CYB5R4: variants seen among roughly 807,000 people sequenced by gnomAD.
CYB5R4 encodes cytochrome b5 reductase 4, also known as N-terminal cytochrome b5 and cytochrome b5 oxidoreductase domain-containing protein.
CYB5R4 carries 55 observed loss-of-function variants against 70.2 expected under a neutral mutation model. The observed-to-expected ratio is 0.78, with a 90% CI of 0.63 to 0.98. The LOEUF (loss-of-function observed/expected upper bound fraction) is 0.98. CYB5R4 is among the 50% of genes least tolerant of loss of function. The pLI, the probability that CYB5R4 is intolerant of heterozygous loss-of-function variation, is 0.00. For missense variants in CYB5R4, 562 were observed against 612.6 expected (o/e 0.92, Z 0.87); for synonymous variants, 197 against 199.5 (o/e 0.99, Z 0.11).
intron 2 of CYB5R4, among the ~76,000 whole-genome samples, chr6:83,880,976 T>G (rs1297377643): frequency 6.6e-6 from 1 of 152,126 alleles, no homozygotes; most frequent in Admixed American, 6.5e-5. Context: ...ACATGCAGTC[T>G]CTTTGCTTCT....
intron 2 of CYB5R4, among the ~76,000 whole-genome samples, chr6:83,866,015 G>A (rs1400547413): frequency 2.6e-5 from 4 of 152,148 alleles, no homozygotes; most frequent in Admixed American, 2.0e-4. Flanking sequence ...CCAGCTGCAA[G>A]TAACTGGTAC....
At chr6:83,874,150 C>T (rs1210590590) in intron 2 of CYB5R4, among the ~76,000 whole-genome samples, 2 of 61,666 alleles carry the variant, frequency 3.2e-5, no homozygotes, top group Admixed American at 1.8e-4. Flanking sequence ...CTTCCCCTCC[C>T]CTCCCTTCCC....
chr6:83,919,235 A>T (rs1480244361), intron 6 of CYB5R4, among the ~76,000 whole-genome samples, 162 bp from the exon 7 acceptor site: 1 of 152,160 alleles, frequency 6.6e-6, no homozygotes, highest in Non-Finnish European at 1.5e-5. Context: ...CAGCTGTATA[A>T]TGAAGAATGT....
chr6:83,918,470 T>C (rs1290499855), intron 6 of CYB5R4, among the ~76,000 whole-genome samples: 1 of 152,038 alleles, frequency 6.6e-6, no homozygotes, highest in Non-Finnish European at 1.5e-5. Context: ...TACTTCCATA[T>C]TATTCTATTT....
In CYB5R4 at chr6:83,934,871, ATG is replaced by A. The variant is rs1164687435; in HGVS notation, c.955+138_955+139del. The stretch of plus-strand genomic sequence containing the variant: ...GCAGCTAGATTTAGTGATAGTCAGA[ATG>A]TAGGTTTGTGACTGCAACGTGTCCT... On this transcript the variant is annotated intron_variant, in intron 11 of 15. Transcript: ENST00000369681. 8.8e-5 allele frequency: 69 copies of A among 780,664 alleles called. No homozygotes were observed. The East Asian group carries it at 1.8e-3, about 20-fold the overall frequency. 48.4% of individuals were successfully genotyped at this position (780,664 alleles called of 1,614,324 possible).
intron 2 of CYB5R4, among the ~76,000 whole-genome samples, chr6:83,882,530 C>T (rs12205618): frequency 2.0e-5 from 3 of 152,064 alleles, no homozygotes; most frequent in African/African-American, 7.2e-5. Flanking sequence ...TCCAAAGTTT[C>T]TACAACATAT....
intron 10 of CYB5R4, among the ~76,000 whole-genome samples, chr6:83,927,322 T>C (rs2099467452): frequency 1.3e-5 from 2 of 152,168 alleles, no homozygotes; most frequent in South Asian, 4.1e-4. Flanking sequence ...TACAGCAAAC[T>C]GTCTATCCTA....
chr6:83,889,441 A>G (rs1052851806), intron 2 of CYB5R4, among the ~76,000 whole-genome samples: 8 of 152,154 alleles, frequency 5.3e-5, no homozygotes, highest in African/African-American at 1.9e-4. Flanking sequence ...AATTATGCTA[A>G]GTCTGCCCTG....
chr6:83,860,070 C>CT (rs762759018), intron 1 of CYB5R4, among the ~76,000 whole-genome samples: 6 of 152,128 alleles, frequency 3.9e-5, no homozygotes, highest in Non-Finnish European at 5.9e-5. Context: ...CCTCTTCTTT[C>CT]TGGTCCTTTA....
chr6:83,948,082 G>C (rs1055404783), intron 14 of CYB5R4, among the ~76,000 whole-genome samples: 1 of 152,104 alleles, frequency 6.6e-6, no homozygotes, highest in Non-Finnish European at 1.5e-5. Flanking sequence ...TATGTTTATT[G>C]CAGCACTATT....
chr6:83,931,032 C>A (rs896966040), intron 10 of CYB5R4, among the ~76,000 whole-genome samples: 1 of 152,194 alleles, frequency 6.6e-6, no homozygotes, highest in East Asian at 1.9e-4. Flanking sequence ...TCTATCCAGA[C>A]CACTCAGACT....
rs777290864 is a variant in CYB5R4, at chr6:83,903,744, T to G, written c.331-5265T>G. Among the ~76,000 whole-genome samples the G allele has an allele frequency of 1.3e-4, 20 of 152,066 alleles. 1 individual carries two copies. Among genetic ancestry groups the G allele is most frequent in the Non-Finnish European group, 2.5e-4 (17 of 67,966 alleles). ...GCTACTGGTTATTGGTCTGTTCATG[T>G]TTTCTATTTCTTCCTGATTCAATCT... On this transcript the variant is annotated intron_variant, in intron 3 of 15. Coordinates refer to ENST00000369681, the MANE Select transcript of CYB5R4 (RefSeq NM_016230.4).
chr6:83,926,498 T>G (rs1009774986), intron 10 of CYB5R4, among the ~76,000 whole-genome samples: 1 of 152,184 alleles, frequency 6.6e-6, no homozygotes, highest in African/African-American at 2.4e-5. Flanking sequence ...TTTTCCTGTT[T>G]CTTTAGATGG....
At chr6:83,872,266 A>G (rs554837454) in intron 2 of CYB5R4, among the ~76,000 whole-genome samples, 1 of 152,334 alleles carries the variant, frequency 6.6e-6, no homozygotes, top group African/African-American at 2.4e-5. Flanking sequence ...TATTCTTTTT[A>G]GAAAGTGCTT....
chr6:83,917,265 C>T (rs914518393), intron 5 of CYB5R4, among the ~76,000 whole-genome samples: 3 of 152,220 alleles, frequency 2.0e-5, no homozygotes, highest in African/African-American at 7.2e-5. Context: ...GCAGCTGGAA[C>T]TTTCAAACAC....
At chr6:83,865,649 A>G (rs2099456613) in intron 2 of CYB5R4, among the ~76,000 whole-genome samples, 1 of 152,164 alleles carries the variant, frequency 6.6e-6, no homozygotes, top group South Asian at 2.1e-4. Context: ...GTATGACCTC[A>G]TTTAATTTTG....
intron 14 of CYB5R4, among the ~76,000 whole-genome samples, chr6:83,946,222 A>G (rs2099470588): frequency 6.6e-6 from 1 of 152,216 alleles, no homozygotes; most frequent in Non-Finnish European, 1.5e-5. Context: ...AAGCTTTTCC[A>G]CCACGATCAA....
chr6:83,921,114 T>G lies in CYB5R4; in HGVS notation c.597T>G (p.His199Gln). ...ATTTAGACTCAATAATAGTTGATCA[T>G]CAGAATGATTCCTTTAGAGCAGAAA... ...DINLDSIIVD[H>Q]QNDSFRAETI... Residue 199 changes from histidine (H) to glutamine (Q), a missense_variant, in exon 8 of 16, where the codon CAT (histidine) becomes CAG (glutamine). Physicochemically the swap from His to Gln is conservative, Grantham distance 24. Coordinates refer to ENST00000369681, the MANE Select transcript of CYB5R4 (RefSeq NM_016230.4). The G allele has an allele frequency of 6.5e-7, 1 of 1,531,162 alleles. No individual in the cohort carries two copies. The highest frequency in any genetic ancestry group is 8.9e-7 in the Non-Finnish European group (1 of 1,123,378). The allele number at this position is 1,531,162 out of a possible 1,614,324, so 94.8% of individuals were successfully genotyped here.
At chr6:83,924,444 A>C in intron 9 of CYB5R4, 26 bp from the exon 10 acceptor site, 1 of 1,609,200 alleles carries the variant, frequency 6.2e-7, no homozygotes, top group East Asian at 2.2e-5. Context: ...ATCGATGAAC[A>C]CAAATGGAAT....
Sources: allele counts gnomAD v4.1 joint callset (sites outside exome capture counted in the v4.1 genomes callset), GRCh38; gene constraint gnomAD v4.1.1; transcripts MANE v1.5; gene names NCBI Gene and HGNC (gene_info 2026-07-23, HGNC 2026-07-21).